Variants in TRPC4 observed in about 807,000 individuals in gnomAD.
TRPC4 encodes transient receptor potential cation channel subfamily C member 4.
Under a neutral mutation model 99.4 loss-of-function variants are expected in TRPC4, and 49 were observed. That is an observed-to-expected ratio of 0.49 (90% CI 0.39 to 0.63). TRPC4 has a LOEUF of 0.63. TRPC4 is among the 20% of genes least tolerant of loss of function. The pLI, the probability that TRPC4 is intolerant of heterozygous loss-of-function variation, is 0.00. For synonymous variants in TRPC4, 454 were observed against 425.9 expected (o/e 1.07, Z -0.81); for missense variants, 898 against 1,152.9 (o/e 0.78, Z 3.20).
At chr13:37,783,854 TTTTTGTTTTGTTTTG>T (rs750764923) in intron 1 of TRPC4, among the ~76,000 whole-genome samples, 6 of 152,064 alleles carry the variant, frequency 3.9e-5, no homozygotes, top group African/African-American at 4.8e-5. Flanking sequence ...ATATATTTGT[TTTTTGTTTTGTTTTG>T]TTTTGTTTTG....
At chr13:37,686,478 T>C (rs1953485592) in intron 4 of TRPC4, among the ~76,000 whole-genome samples, 1 of 152,002 alleles carries the variant, frequency 6.6e-6, no homozygotes, top group Admixed American at 6.6e-5. Flanking sequence ...TACATCCATA[T>C]AGTATTATTT....
Position 37,856,578 on chromosome 13 carries a change from AAAAAG to A in TRPC4, c.-28+13012_-28+13016del, listed in dbSNP as rs536874306. On this transcript the variant is annotated intron_variant, in intron 1 of 10. Transcript: ENST00000379705. ...AAGACCAGACAAAGACACATTAAAA[AAAAAG>A]AAAACTGCAGGCCAATATCTCTGAT... Among the ~76,000 whole-genome samples, 9 of 151,742 alleles carry A rather than the reference AAAAAG, an allele frequency of 5.9e-5. No individual in the cohort carries two copies. In the East Asian group the frequency reaches 1.7e-3, roughly 29 times the overall value.
rs1161148290 is a variant in TRPC4, at chr13:37,636,232, G to A, written c.*671C>T. On this transcript the variant is annotated 3_prime_UTR_variant, in exon 11 of 11. Coordinates refer to ENST00000379705, the MANE Select transcript of TRPC4 (RefSeq NM_016179.4). Reference sequence around the variant, plus strand: ...CGAGTTTTTTTCCTGACAAAATGTCGTTAAAAATCATCAGTCATCAAAATG... The same window carrying A: ...CGAGTTTTTTTCCTGACAAAATGTCATTAAAAATCATCAGTCATCAAAATG... Among the ~76,000 whole-genome samples the A allele has an allele frequency of 6.6e-6, 1 of 151,714 alleles. No homozygotes were observed. Among genetic ancestry groups the A allele is most frequent in the Non-Finnish European group, 1.5e-5 (1 of 67,922 alleles).
At chr13:37,786,381 T>G (rs182426334) in intron 1 of TRPC4, among the ~76,000 whole-genome samples, 126 of 149,332 alleles carry the variant, frequency 8.4e-4, no homozygotes, top group Non-Finnish European at 1.6e-3. Flanking sequence ...GGCTAAAACC[T>G]TAACATAAGG....
chr13:37,654,183 G>C (rs1952144859), intron 7 of TRPC4, among the ~76,000 whole-genome samples: 1 of 151,900 alleles, frequency 6.6e-6, no homozygotes, highest in Non-Finnish European at 1.5e-5. Context: ...TCAGAGTTTT[G>C]CTTGACAAAA....
chr13:37,793,854 T>A (rs1957181771), intron 1 of TRPC4, among the ~76,000 whole-genome samples: 1 of 152,234 alleles, frequency 6.6e-6, no homozygotes, highest in African/African-American at 2.4e-5. Context: ...ACCCTAGAAA[T>A]ACCTCCTTCC....
At chr13:37,844,758 C>G (rs188461322) in intron 1 of TRPC4, among the ~76,000 whole-genome samples, 2 of 152,144 alleles carry the variant, frequency 1.3e-5, no homozygotes, top group African/African-American at 4.8e-5. Context: ...AAACCAGTAA[C>G]TCCACAAAAC....
intron 3 of TRPC4, among the ~76,000 whole-genome samples, chr13:37,726,040 A>C (rs368426632): frequency 3.9e-5 from 6 of 152,026 alleles, no homozygotes; most frequent in Admixed American, 3.3e-4. Context: ...TACTAAAAAT[A>C]TAAAAATTCA....
intron 2 of TRPC4, among the ~76,000 whole-genome samples, chr13:37,766,394 T>G (rs1566155076): frequency 1.4e-5 from 2 of 145,656 alleles, no homozygotes; most frequent in Non-Finnish European, 3.1e-5. Flanking sequence ...TAACGCAAAC[T>G]TTTAAAAACA....
chr13:37,651,787 C>A (rs1952053386), intron 7 of TRPC4, among the ~76,000 whole-genome samples: 1 of 152,200 alleles, frequency 6.6e-6, no homozygotes, highest in South Asian at 2.1e-4. Flanking sequence ...CATGTTAGTG[C>A]AGTTTCATTT....
At chr13:37,817,051 G>T (rs1468410105) in intron 1 of TRPC4, among the ~76,000 whole-genome samples, 1 of 151,992 alleles carries the variant, frequency 6.6e-6, no homozygotes, top group African/African-American at 2.4e-5. Flanking sequence ...GAAATAAAAG[G>T]CATCCAAATA....
rs1426724893 is a variant in TRPC4 at position 37,632,553 on chromosome 13, A to G, written c.*4350T>C. ...GAAATTAACGGTTTTGCTACTGGTG[A>G]ATTTGACTTGCAGAGACGTCTTCAC... On this transcript the variant is annotated 3_prime_UTR_variant, in exon 11 of 11. Transcript: ENST00000379705. Among the ~76,000 whole-genome samples, 2 of 152,176 alleles carry G rather than the reference A, an allele frequency of 1.3e-5. No homozygotes were observed. The highest frequency in any genetic ancestry group is 1.5e-5 in the Non-Finnish European group (1 of 68,030).
At chr13:37,850,541 C>A (rs1234316556) in intron 1 of TRPC4, among the ~76,000 whole-genome samples, 1 of 152,106 alleles carries the variant, frequency 6.6e-6, no homozygotes, top group Admixed American at 6.6e-5. Context: ...ATTCATCTCT[C>A]TATGGGTACA....
At chr13:37,725,770 G>C (rs1379678688) in intron 3 of TRPC4, among the ~76,000 whole-genome samples, 2 of 152,134 alleles carry the variant, frequency 1.3e-5, no homozygotes, top group Non-Finnish European at 2.9e-5. Context: ...TACTTCCAAA[G>C]TGAGGGAGAA....
intron 2 of TRPC4, among the ~76,000 whole-genome samples, chr13:37,778,814 C>A (rs1371937433): frequency 6.6e-6 from 1 of 151,978 alleles, no homozygotes; most frequent in Non-Finnish European, 1.5e-5. Flanking sequence ...GGGAATGAGT[C>A]AAAATTTCCT....
intron 1 of TRPC4, among the ~76,000 whole-genome samples, chr13:37,817,702 G>C (rs1957897948): frequency 6.6e-6 from 1 of 151,396 alleles, no homozygotes; most frequent in African/African-American, 2.4e-5. Context: ...TAGAACAATG[G>C]AACAGAATAA....
intron 1 of TRPC4, among the ~76,000 whole-genome samples, chr13:37,866,638 TA>T (rs1238206802): frequency 6.6e-6 from 1 of 151,780 alleles, no homozygotes; most frequent in Non-Finnish European, 1.5e-5. Flanking sequence ...TTGTGCTGAT[TA>T]AAAAGACACA....
intron 4 of TRPC4, among the ~76,000 whole-genome samples, chr13:37,681,889 T>C (rs562436554): frequency 1.2e-4 from 18 of 152,310 alleles, no homozygotes; most frequent in African/African-American, 4.3e-4. Context: ...ACAGTGCAAA[T>C]GAGTCAGAGA....
At chr13:37,824,413 CATAG>C (rs1369847114) in intron 1 of TRPC4, among the ~76,000 whole-genome samples, 1 of 151,720 alleles carries the variant, frequency 6.6e-6, no homozygotes, top group Non-Finnish European at 1.5e-5. Flanking sequence ...GTGGGTTTGT[CATAG>C]ATAGCTCTTA....
Sources: allele counts gnomAD v4.1 joint callset (sites outside exome capture counted in the v4.1 genomes callset), GRCh38; gene constraint gnomAD v4.1.1; transcripts MANE v1.5; gene names NCBI Gene and HGNC (gene_info 2026-07-23, HGNC 2026-07-21).